Variants in M1AP observed in about 807,000 individuals in gnomAD.
M1AP encodes the protein meiosis 1 arrest protein.
A neutral mutation model predicts 51.2 loss-of-function variants in M1AP; 39 were observed. The ratio of observed to expected loss-of-function variants is 0.76; its 90% CI spans 0.59 to 1.00. The LOEUF is 1.00. M1AP is among the 50% of genes least tolerant of loss of function. The probability of loss-of-function intolerance (pLI) is 0.00; values close to 1 mark genes in which losing one functional copy is unlikely to be tolerated. For synonymous variants in M1AP, 251 were observed against 249.2 expected (o/e 1.01, Z -0.07); for missense variants, 545 against 641.2 (o/e 0.85, Z 1.62).
intron 7 of M1AP, 73 bp downstream of exon 7, chr2:74,575,365 T>G (rs1247212611): frequency 6.9e-6 from 11 of 1,597,930 alleles, no homozygotes; most frequent in Non-Finnish European, 7.7e-6. Flanking sequence ...TGGGCAGAGT[T>G]AGTTAGCTGC....
At chr2:74,630,078 C>G (rs992249106) in intron 2 of M1AP, among the ~76,000 whole-genome samples, 8 of 151,904 alleles carry the variant, frequency 5.3e-5, no homozygotes, top group African/African-American at 1.7e-4. Flanking sequence ...GTAGCTGAGA[C>G]TACAGCTATG....
chr2:74,559,845 A>G (rs1677783563), intron 9 of M1AP, 136 bp from the exon 10 acceptor site: 3 of 677,196 alleles, frequency 4.4e-6, no homozygotes, highest in Non-Finnish European at 8.2e-6. Context: ...CTTTTCTTTC[A>G]CGAGGACTGT....
chr2:74,636,853 A>G (rs1683015281), intron 2 of M1AP, among the ~76,000 whole-genome samples: 2 of 152,154 alleles, frequency 1.3e-5, no homozygotes, highest in African/African-American at 4.8e-5. Flanking sequence ...TGCTAAGATT[A>G]TAGGTGTGAG....
intron 7 of M1AP, among the ~76,000 whole-genome samples, chr2:74,566,803 G>T (rs1277206121): frequency 6.6e-6 from 1 of 152,140 alleles, no homozygotes; most frequent in Non-Finnish European, 1.5e-5. Context: ...TAGCCCAACT[G>T]GCTCATTGCC....
chr2:74,600,269 T>C (rs1424130935), intron 4 of M1AP, among the ~76,000 whole-genome samples: 7 of 152,202 alleles, frequency 4.6e-5, no homozygotes, highest in Non-Finnish European at 1.0e-4. Context: ...GTAGAAACTA[T>C]TTAGAACAGA....
intron 2 of M1AP, among the ~76,000 whole-genome samples, chr2:74,637,315 A>G (rs780323693): frequency 7.2e-5 from 11 of 152,198 alleles, no homozygotes; most frequent in Non-Finnish European, 1.2e-4. Flanking sequence ...AATGTCTTCT[A>G]TATCTCCACT....
Position 74,640,275 on chromosome 2 carries a change from TGGCAGCAA to T in M1AP, c.-8_-1del. ...TTACCAGTAGTTCGCCCAGGATGCATGGCAGCAAAACCAGAGGGGGAACTGTAGCCACC... is the reference window on the plus strand; with the variant it reads ...TTACCAGTAGTTCGCCCAGGATGCATAACCAGAGGGGGAACTGTAGCCACC... On this transcript the variant is annotated 5_prime_UTR_variant, in exon 2 of 11. Transcript: ENST00000421985. 6.2e-7 allele frequency: 1 copy of T among 1,614,038 alleles called. No homozygotes were observed. The highest frequency in any genetic ancestry group is 8.5e-7 in the Non-Finnish European group (1 of 1,179,958).
intron 5 of M1AP, among the ~76,000 whole-genome samples, chr2:74,578,054 A>G (rs577578020): frequency 3.0e-4 from 46 of 152,330 alleles, no homozygotes; most frequent in South Asian, 2.1e-4. Flanking sequence ...TTGGGCTTCT[A>G]TGAGAATCTA....
chr2:74,562,483 TC>T, intron 7 of M1AP, 60 bp from the exon 8 acceptor site: 1 of 1,585,258 alleles, frequency 6.3e-7, no homozygotes, highest in South Asian at 1.1e-5. Context: ...GGTTTGAGGA[TC>T]AGTCCCAATT....
chr2:74,570,218 T>C (rs1214207860), intron 7 of M1AP, among the ~76,000 whole-genome samples: 1 of 151,786 alleles, frequency 6.6e-6, no homozygotes, highest in African/African-American at 2.4e-5. Context: ...AGTCGGGAAA[T>C]AAAAAAAGCG....
At chr2:74,648,009 G>GGGGGCCCCGCGGAGGAAGCTC (rs1450517872) in intron 1 of M1AP, 3 of 984,970 alleles carry the variant, frequency 3.0e-6, no homozygotes, top group Non-Finnish European at 3.6e-6. Context: ...CCTCGGGCCT[G>GGGGGCCCCGCGGAGGAAGCTC]GGGGCCCCGC....
At chr2:74,593,357 A>G (rs2104641168) in intron 4 of M1AP, among the ~76,000 whole-genome samples, 1 of 152,318 alleles carries the variant, frequency 6.6e-6, no homozygotes, top group South Asian at 2.1e-4. Flanking sequence ...AAACAGCTAT[A>G]AACTCTGAAC....
At chr2:74,613,573 G>GTTTGGTATTT in intron 3 of M1AP, among the ~76,000 whole-genome samples, 1 of 152,262 alleles carries the variant, frequency 6.6e-6, no homozygotes, top group Non-Finnish European at 1.5e-5. Flanking sequence ...GAAGGATACA[G>GTTTGGTATTT]CTGGCTGGAG....
intron 1 of M1AP, among the ~76,000 whole-genome samples, chr2:74,643,734 C>T (rs1232208736): frequency 2.0e-5 from 3 of 152,004 alleles, no homozygotes; most frequent in Admixed American, 2.0e-4. Context: ...CCTGGCACTA[C>T]AGGCATGCAC....
chr2:74,565,526 G>C (rs1235523471), intron 7 of M1AP, among the ~76,000 whole-genome samples: 3 of 152,000 alleles, frequency 2.0e-5, no homozygotes, highest in Non-Finnish European at 4.4e-5. Flanking sequence ...CATCTCAATA[G>C]ATGGAGAAAA....
At chr2:74,645,919 G>T (rs1346821555) in intron 1 of M1AP, among the ~76,000 whole-genome samples, 1 of 152,208 alleles carries the variant, frequency 6.6e-6, no homozygotes, top group Non-Finnish European at 1.5e-5. Context: ...AGTTACTACA[G>T]TTTAGTTAAT....
intron 2 of M1AP, chr2:74,615,943 C>A (rs1681644801): frequency 6.6e-6 from 1 of 152,194 alleles, no homozygotes; most frequent in Admixed American, 6.5e-5. Context: ...TAGAGCAGAA[C>A]TGAGTGATAT....
intron 2 of M1AP, among the ~76,000 whole-genome samples, chr2:74,616,426 C>T (rs1401160383): frequency 6.6e-6 from 1 of 152,116 alleles, no homozygotes; most frequent in Non-Finnish European, 1.5e-5. Flanking sequence ...TGATTTGATA[C>T]TCACCATTAT....
At chr2:74,574,038 G>A (rs1333944901) in intron 7 of M1AP, among the ~76,000 whole-genome samples, 1 of 152,194 alleles carries the variant, frequency 6.6e-6, no homozygotes, top group Non-Finnish European at 1.5e-5. Flanking sequence ...CAGGAGATGG[G>A]TGTTCTTCAG....
Sources: allele counts gnomAD v4.1 joint callset (sites outside exome capture counted in the v4.1 genomes callset), GRCh38; gene constraint gnomAD v4.1.1; transcripts MANE v1.5; gene names NCBI Gene and HGNC (gene_info 2026-07-23, HGNC 2026-07-21).